Variants in RNF185 observed in about 807,000 individuals in gnomAD.
RNF185 encodes the protein E3 ubiquitin-protein ligase RNF185.
RNF185 carries 13 observed loss-of-function variants against 24.9 expected under a neutral mutation model. The observed-to-expected ratio is 0.52, with a 90% CI of 0.34 to 0.83. The LOEUF is 0.83. Among genes scored for constraint, RNF185 ranks in the 40% least tolerant of loss-of-function variants. RNF185 has a pLI of 0.01. For missense variants in RNF185, 184 were observed against 244.7 expected, an observed-to-expected ratio of 0.75 and a Z score of 1.65; for synonymous variants, 79 against 90.3, an observed-to-expected ratio of 0.88 and a Z score of 0.71.
At chr22:31,164,583 C>CTTTT (rs200649012) in intron 1 of RNF185, among the ~76,000 whole-genome samples, 20 of 91,742 alleles carry the variant, frequency 2.2e-4, no homozygotes, top group Non-Finnish European at 2.7e-4. Flanking sequence ...TCCTCATTGT[C>CTTTT]TTTTTTTTTT....
intron 1 of RNF185, among the ~76,000 whole-genome samples, chr22:31,178,561 A>C (rs1046594554): frequency 6.6e-6 from 1 of 152,200 alleles, no homozygotes; most frequent in Non-Finnish European, 1.5e-5. Context: ...TTGTTTAAGA[A>C]AAACAGGCAA....
chr22:31,206,882 T>G lies in RNF185; in HGVS notation c.*2296T>G, dbSNP rs8242. ...AGCCTCCACCCTCCTCCTGCCACCC[T>G]TGTGGACTAGGACCAGGTCCTGACC... On this transcript the variant is annotated 3_prime_UTR_variant, in exon 7 of 7. Transcript: ENST00000326132. 0.086 allele frequency: 13,105 copies of G among 152,324 alleles called. 858 individuals carry two copies. Among genetic ancestry groups the G allele is most frequent in the East Asian group, 0.4 (2,088 of 5,168 alleles). 9.4% of individuals were successfully genotyped at this position (152,324 alleles called of 1,614,324 possible). A position where few individuals can be genotyped will look rare whatever the true frequency, so the allele number is the denominator to read the frequency against.
chr22:31,171,058 G>T (rs1375409326), intron 1 of RNF185, among the ~76,000 whole-genome samples: 1 of 152,052 alleles, frequency 6.6e-6, no homozygotes, highest in Non-Finnish European at 1.5e-5. Flanking sequence ...CTCTGCCAAG[G>T]CACTTCTTAG....
Position 31,204,818 on chromosome 22 carries a change from T to A in RNF185, c.*232T>A. Reference sequence around the variant, plus strand: ...TATAACTTCAGGCCTTGGCATTGAGTCATCTCTCATGGGTGACACCATGAA... The same window carrying A: ...TATAACTTCAGGCCTTGGCATTGAGACATCTCTCATGGGTGACACCATGAA... On this transcript the variant is annotated 3_prime_UTR_variant, in exon 7 of 7. Transcript: ENST00000326132. 1 of 480,156 alleles carries A rather than the reference T, an allele frequency of 2.1e-6. No homozygotes were observed. The highest frequency in any genetic ancestry group is 2.4e-5 in the South Asian group (1 of 41,484). The allele number at this position is 480,156 out of a possible 1,614,324, so 29.7% of individuals were successfully genotyped here.
In RNF185 at chr22:31,201,486, T is replaced by G. The variant is rs2048262705; in HGVS notation, c.364-12T>G. Reference sequence around the variant, plus strand: ...TGATTCTCCTGCCCTTAATTGCCTTTCTTCCACACAGGGATTTCAAGGATT... The same window carrying G: ...TGATTCTCCTGCCCTTAATTGCCTTGCTTCCACACAGGGATTTCAAGGATT... On this transcript the variant is annotated splice_polypyrimidine_tract_variant and intron_variant, in intron 5 of 6. Coordinates refer to ENST00000326132, the MANE Select transcript of RNF185 (RefSeq NM_152267.4). 1.2e-6 allele frequency: 2 copies of G among 1,601,686 alleles called. No individual in the cohort carries two copies. The highest frequency in any genetic ancestry group is 1.7e-6 in the Non-Finnish European group (2 of 1,170,480).
At position 31,163,252 on chromosome 22, in the gene RNF185, T is replaced by C. The variant is rs541144321; in HGVS notation, c.-49+2949T>C. On this transcript the variant is annotated intron_variant, in intron 1 of 6. Coordinates refer to ENST00000326132, the MANE Select transcript of RNF185 (RefSeq NM_152267.4). ...AGTTGATTACTTCCCATAAAAACCATATGGTCCACAGAGTCTGAAGTATTT... is the reference window on the plus strand; with the variant it reads ...AGTTGATTACTTCCCATAAAAACCACATGGTCCACAGAGTCTGAAGTATTT... Among the ~76,000 whole-genome samples, 24 of 152,304 alleles carry C rather than the reference T, an allele frequency of 1.6e-4. No individual in the cohort carries two copies. In the South Asian group the frequency reaches 4.8e-3, roughly 30 times the overall value.
intron 5 of RNF185, among the ~76,000 whole-genome samples, chr22:31,200,475 C>T (rs1330168721): frequency 1.3e-5 from 2 of 152,244 alleles, no homozygotes; most frequent in African/African-American, 4.8e-5. Flanking sequence ...GTTTGGTCAT[C>T]TGTGAAATGC....
intron 1 of RNF185, among the ~76,000 whole-genome samples, chr22:31,179,781 G>A (rs2048016172): frequency 6.6e-6 from 1 of 152,188 alleles, no homozygotes; most frequent in Admixed American, 6.5e-5. Flanking sequence ...ATGCCTGTGT[G>A]TAGGAGTATG....
chr22:31,176,689 C>T (rs1400895422), intron 1 of RNF185, among the ~76,000 whole-genome samples: 3 of 151,578 alleles, frequency 2.0e-5, no homozygotes, highest in Non-Finnish European at 2.9e-5. Flanking sequence ...GGGGTTTCAC[C>T]GTGTTAGCCA....
At chr22:31,171,156 C>CTTATTTAT (rs55965706) in intron 1 of RNF185, among the ~76,000 whole-genome samples, 18,819 of 143,074 alleles carry the variant, frequency 0.13, 1,367 homozygotes, top group Admixed American at 0.19. Flanking sequence ...CTCTGATTTA[C>CTTATTTAT]TTATTTATTT....
At chr22:31,183,795 C>T (rs1157081723) in intron 1 of RNF185, among the ~76,000 whole-genome samples, 2 of 152,220 alleles carry the variant, frequency 1.3e-5, no homozygotes, top group Non-Finnish European at 2.9e-5. Flanking sequence ...TCTACACAGA[C>T]ACAATAACAA....
At chr22:31,177,370 C>T (rs1244462103) in intron 1 of RNF185, among the ~76,000 whole-genome samples, 1 of 151,920 alleles carries the variant, frequency 6.6e-6, no homozygotes, top group Admixed American at 6.6e-5. Flanking sequence ...CCAGTGCAGC[C>T]CCAATGAAAA....
intron 1 of RNF185, among the ~76,000 whole-genome samples, chr22:31,163,313 T>C (rs1374129208): frequency 6.6e-6 from 1 of 151,920 alleles, no homozygotes; most frequent in African/African-American, 2.4e-5. Context: ...AATTGCCAAT[T>C]CCTGACCTGC....
At chr22:31,173,760 A>G (rs2047954957) in intron 1 of RNF185, among the ~76,000 whole-genome samples, 1 of 152,220 alleles carries the variant, frequency 6.6e-6, no homozygotes, top group African/African-American at 2.4e-5. Context: ...TGTTACTTAT[A>G]GTGATAAGAA....
In RNF185 at chr22:31,184,097, G is replaced by A. The variant is rs563756505; in HGVS notation, c.-48-2950G>A. Among the ~76,000 whole-genome samples, 40 of 150,522 alleles carry A rather than the reference G, an allele frequency of 2.7e-4. No individual in the cohort carries two copies. The South Asian group carries it at 8.2e-3, about 31-fold the overall frequency. ...CCCGGACGGGGCGGCTGGCCGGGCG[G>A]GGGCTGCCCACCACCTCCTGGACGG... On this transcript the variant is annotated intron_variant, in intron 1 of 6. Coordinates refer to ENST00000326132, the MANE Select transcript of RNF185 (RefSeq NM_152267.4).
In RNF185 at chr22:31,171,414, C is replaced by T. The variant is rs560938694; in HGVS notation, c.-49+11111C>T. ...CAGGCTGGTCTTGAACTCCTGACCTCAGGCGATCCACCCGCCTTGGCCTCC... is the reference window on the plus strand; with the variant it reads ...CAGGCTGGTCTTGAACTCCTGACCTTAGGCGATCCACCCGCCTTGGCCTCC... On this transcript the variant is annotated intron_variant, in intron 1 of 6. Coordinates refer to ENST00000326132, the MANE Select transcript of RNF185 (RefSeq NM_152267.4). Among the ~76,000 whole-genome samples the T allele has an allele frequency of 7.3e-5, 11 of 151,522 alleles. No individual in the cohort carries two copies. In the South Asian group the frequency reaches 1.5e-3, roughly 20 times the overall value.
intron 2 of RNF185, among the ~76,000 whole-genome samples, chr22:31,191,170 G>A (rs1042186876): frequency 6.6e-6 from 1 of 151,782 alleles, no homozygotes; most frequent in Admixed American, 6.6e-5. Flanking sequence ...AGGAATGGTC[G>A]TTGTTATAAA....
intron 2 of RNF185, among the ~76,000 whole-genome samples, chr22:31,189,675 G>A (rs576304879): frequency 4.7e-5 from 7 of 150,148 alleles, no homozygotes; most frequent in Admixed American, 3.3e-4. Flanking sequence ...GCACAATCTC[G>A]GCTCACTGCA....
At chr22:31,168,229 TG>T (rs1467145831) in intron 1 of RNF185, among the ~76,000 whole-genome samples, 1 of 152,200 alleles carries the variant, frequency 6.6e-6, no homozygotes, top group African/African-American at 2.4e-5. Flanking sequence ...CCTAACCGTG[TG>T]GCTGGTGTCA....
Sources: allele counts gnomAD v4.1 joint callset (sites outside exome capture counted in the v4.1 genomes callset), GRCh38; gene constraint gnomAD v4.1.1; transcripts MANE v1.5; gene names NCBI Gene and HGNC (gene_info 2026-07-23, HGNC 2026-07-21).